Variants in KALRN observed in about 807,000 individuals in gnomAD.
KALRN encodes kalirin RhoGEF kinase.
A neutral mutation model predicts 353.7 loss-of-function variants in KALRN; 70 were observed. The observed-to-expected ratio is 0.20, with a 90% CI of 0.16 to 0.24. The LOEUF is 0.24. KALRN is among the 10% of genes least tolerant of loss of function. The pLI is 1.00. For missense variants in KALRN, 2,791 were observed against 3,756.7 expected (o/e 0.74, Z 6.72); for synonymous variants, 1,391 against 1,434.8 (o/e 0.97, Z 0.69).
In KALRN at chr3:124,372,631, T is replaced by C. The variant is rs187570164; in HGVS notation, c.1771-12214T>C. Among the ~76,000 whole-genome samples, 255 of 152,122 alleles carry C rather than the reference T, an allele frequency of 1.7e-3. 1 individual carries two copies. Among genetic ancestry groups the C allele is most frequent in the Admixed American group, 3.4e-3 (52 of 15,296 alleles). Reference sequence around the variant, plus strand: ...TTATTATTTATTTTTTTATTTATTATTTATTTTTCATTAAATATTCTTCAA... The same window carrying C: ...TTATTATTTATTTTTTTATTTATTACTTATTTTTCATTAAATATTCTTCAA... On this transcript the variant is annotated intron_variant, in intron 10 of 59. Transcript: ENST00000682506.
intron 23 of KALRN, among the ~76,000 whole-genome samples, chr3:124,460,851 G>T (rs1316971944): frequency 1.3e-5 from 2 of 152,176 alleles, no homozygotes; most frequent in African/African-American, 4.8e-5. Flanking sequence ...TAAGCACATT[G>T]TATTATTTAG....
At chr3:124,345,686 A>C (rs954788937) in intron 9 of KALRN, among the ~76,000 whole-genome samples, 1 of 152,150 alleles carries the variant, frequency 6.6e-6, no homozygotes, top group African/African-American at 2.4e-5. Context: ...ATGATGGACA[A>C]TTACTCCGCC....
chr3:124,454,903 T>C (rs916454688), intron 21 of KALRN, among the ~76,000 whole-genome samples: 3 of 152,174 alleles, frequency 2.0e-5, no homozygotes, highest in Admixed American at 2.0e-4. Context: ...GATTTTGGTA[T>C]CCATGGGGGG....
chr3:124,550,715 C>A (rs911561107), intron 33 of KALRN, among the ~76,000 whole-genome samples: 1 of 152,130 alleles, frequency 6.6e-6, no homozygotes, highest in African/African-American at 2.4e-5. Flanking sequence ...TAAGACCAGG[C>A]GCAGTGGCTC....
intron 49 of KALRN, among the ~76,000 whole-genome samples, chr3:124,675,727 G>T (rs925139203): frequency 1.3e-4 from 20 of 152,146 alleles, no homozygotes; most frequent in African/African-American, 4.3e-4. Flanking sequence ...CAACTGGGCA[G>T]CCCTGAGGTG....
intron 14 of KALRN, among the ~76,000 whole-genome samples, chr3:124,416,157 C>T (rs2092481630): frequency 6.6e-6 from 1 of 152,198 alleles, no homozygotes. Context: ...CACCCTTCAT[C>T]TCTCATGGTA....
At chr3:124,125,659 T>C (rs527589212) in intron 1 of KALRN, among the ~76,000 whole-genome samples, 2 of 152,214 alleles carry the variant, frequency 1.3e-5, no homozygotes, top group Non-Finnish European at 2.9e-5. Flanking sequence ...ACACCTCATT[T>C]TAACTTACAG....
At chr3:124,360,046 T>G (rs1254243689) in intron 10 of KALRN, among the ~76,000 whole-genome samples, 2 of 152,246 alleles carry the variant, frequency 1.3e-5, no homozygotes, top group Non-Finnish European at 2.9e-5. Flanking sequence ...TAATGGTATA[T>G]CCTGCCTAGG....
At chr3:124,707,488 AC>A (rs1248609212) in intron 57 of KALRN, among the ~76,000 whole-genome samples, 4 of 115,892 alleles carry the variant, frequency 3.5e-5, no homozygotes, top group African/African-American at 1.4e-4. Context: ...CTTCCTTCCT[AC>A]CTTTTTTCTT....
chr3:124,077,980 G>A (rs1013563597), intron 1 of KALRN, among the ~76,000 whole-genome samples: 4 of 152,132 alleles, frequency 2.6e-5, no homozygotes, highest in African/African-American at 9.7e-5. Flanking sequence ...TTGTTTCAAC[G>A]AATAAATGAG....
intron 34 of KALRN, among the ~76,000 whole-genome samples, chr3:124,573,734 T>A (rs2073801033): frequency 1.3e-5 from 2 of 152,192 alleles, no homozygotes; most frequent in African/African-American, 2.4e-5. Context: ...TCTCTATTCC[T>A]AACCTACCCT....
chr3:124,230,997 GAGA>G (rs2079093160), intron 2 of KALRN, among the ~76,000 whole-genome samples: 1 of 152,144 alleles, frequency 6.6e-6, no homozygotes, highest in South Asian at 2.1e-4. Context: ...ATTTCTTTCT[GAGA>G]AGAAGAAAGC....
chr3:124,308,308 A>G (rs926682379), intron 6 of KALRN, among the ~76,000 whole-genome samples: 1 of 152,030 alleles, frequency 6.6e-6, no homozygotes, highest in Non-Finnish European at 1.5e-5. Context: ...ATAGAAGACT[A>G]TAAGCCAAAT....
chr3:124,195,653 G>C (rs2075354431), intron 1 of KALRN, among the ~76,000 whole-genome samples: 1 of 152,132 alleles, frequency 6.6e-6, no homozygotes, highest in East Asian at 1.9e-4. Flanking sequence ...GCATAGAATT[G>C]GCTCCACAAG....
intron 16 of KALRN, among the ~76,000 whole-genome samples, chr3:124,433,607 AAAAAAAAAAG>A (rs1224257305): frequency 6.6e-6 from 1 of 151,198 alleles, no homozygotes; most frequent in African/African-American, 2.4e-5. Flanking sequence ...AAAAAAAAAA[AAAAAAAAAAG>A]GAAAGAAAAT....
intron 37 of KALRN, among the ~76,000 whole-genome samples, chr3:124,641,580 A>G (rs11709895): frequency 0.027 from 4,159 of 152,282 alleles, 109 homozygotes; most frequent in East Asian, 0.13. Flanking sequence ...TACCTCACTT[A>G]TTAGTGATGC....
intron 9 of KALRN, among the ~76,000 whole-genome samples, chr3:124,346,425 T>C (rs2082267876): frequency 1.3e-5 from 2 of 152,140 alleles, no homozygotes; most frequent in Non-Finnish European, 2.9e-5. Flanking sequence ...TGAAGCCAAA[T>C]CACTAGATCT....
chr3:124,290,825 C>T (rs569073234), intron 5 of KALRN, among the ~76,000 whole-genome samples: 64 of 152,174 alleles, frequency 4.2e-4, no homozygotes, highest in Non-Finnish European at 6.9e-4. Flanking sequence ...TTGTTGGAAT[C>T]GTCATAACTG....
In KALRN at chr3:124,264,537, C is replaced by A; in HGVS notation, c.303C>A (p.Asp101Glu). ...AACGTGGCTTCACTGTCATCATCGA[C>A]ATGCGGGGCTCCAAGTGGGACCTCA... ...VCKRGFTVIIDMRGSKWDLIK... is the reference protein window; with the variant it reads ...VCKRGFTVIIEMRGSKWDLIK... Residue 101 changes from aspartate to glutamate, a missense_variant, in exon 4 of 60, where the codon GAC becomes GAA. By Grantham distance (45) the Asp-to-Glu change is conservative. Transcript: ENST00000682506. 6.2e-7 allele frequency: 1 copy of A among 1,614,104 alleles called. No homozygotes were observed. The highest frequency in any genetic ancestry group is 8.5e-7 in the Non-Finnish European group (1 of 1,179,992).
Sources: gnomAD v4.1 joint callset for allele counts (sites outside exome capture counted in the v4.1 genomes callset) on GRCh38, gnomAD v4.1.1 for gene constraint, MANE v1.5 for transcripts, NCBI Gene and HGNC (gene_info 2026-07-23, HGNC 2026-07-21) for gene names.